The following HELZ2 variants were observed in gnomAD, a reference collection of about 807,000 sequenced individuals.
HELZ2 encodes 3'-5' exoribonuclease HELZ2.
Under a neutral mutation model 208.8 loss-of-function variants are expected in HELZ2, and 143 were observed. The observed-to-expected ratio is 0.68, with a 90% CI of 0.60 to 0.79. The LOEUF (loss-of-function observed/expected upper bound fraction) is 0.79, where lower values mean the gene tolerates loss of function less well. HELZ2 is among the 30% of genes least tolerant of loss of function. The pLI is 0.00. For synonymous variants in HELZ2, 1,705 were observed against 1,693.7 expected, an observed-to-expected ratio of 1.01 and a Z score of -0.16; for missense variants, 3,690 against 3,794.5, an observed-to-expected ratio of 0.97 and a Z score of 0.72.
In HELZ2 at chr20:63,570,489, C is replaced by T. The variant is rs1436800981; in HGVS notation, c.570+15G>A. The stretch of plus-strand genomic sequence containing the variant: ...CAGGGCTCCCTCCGCCCAGTCGGAG[C>T]TGTTCTCCGCTCACCTCAGAGTGGA... On this transcript the variant is annotated intron_variant, in intron 3 of 18. Coordinates refer to ENST00000467148, the Ensembl canonical transcript of HELZ2. 3.7e-6 allele frequency: 6 copies of T among 1,603,010 alleles called. No individual in the cohort carries two copies. Among genetic ancestry groups the T allele is most frequent in the South Asian group, 3.3e-5 (3 of 90,756 alleles).
chr20:63,558,301 C>T (rs140760582), downstream of HELZ2: 3,861 of 150,876 alleles, frequency 0.026, 80 homozygotes, highest in Non-Finnish European at 0.034. Context: ...AGCATCGCCC[C>T]GGCACCCCCC....
In HELZ2 at chr20:63,562,391, G is replaced by T; in HGVS notation, c.6303-9C>A. The T allele has an allele frequency of 6.4e-7, 1 of 1,574,342 alleles. No homozygotes were observed. Among genetic ancestry groups the T allele is most frequent in the Non-Finnish European group, 8.6e-7 (1 of 1,168,738 alleles). ...CGGCTTCCTCCTTGCGGCTGGGGGT[G>T]AAGGCAGACACTGGAAAACCAACAG... is the stretch of plus-strand genomic sequence containing the variant. On this transcript the variant is annotated splice_polypyrimidine_tract_variant and intron_variant, in intron 8 of 18. Coordinates refer to ENST00000467148, the Ensembl canonical transcript of HELZ2.
At chr20:63,558,810 T>C (rs113103831), downstream of HELZ2, 2,738 of 153,850 alleles carry the variant, frequency 0.018, 68 homozygotes, top group African/African-American at 0.056. Context: ...AGTGCTGGAT[T>C]ATGGGCGTGA....
chr20:63,561,430 G>A (rs763283381), exon 13 of HELZ2: 4 of 1,612,190 alleles, frequency 2.5e-6, no homozygotes, highest in Non-Finnish European at 3.4e-6. Flanking sequence ...AGTAAGGGTT[G>A]GGGGCCTGCC....
chr20:63,562,974 C>A (rs927669152), exon 8 of HELZ2: 1 of 1,594,148 alleles, frequency 6.3e-7, no homozygotes, highest in East Asian at 2.3e-5. Context: ...GACTCCAGGG[C>A]GCAGAATGGT....
chr20:63,566,049 C>T lies in HELZ2; in HGVS notation c.2773G>A (p.Gly925Ser), dbSNP rs757262105. 32 of 1,589,120 alleles carry T rather than the reference C, an allele frequency of 2.0e-5. No individual in the cohort carries two copies. Among genetic ancestry groups the T allele is most frequent in the South Asian group, 6.7e-5 (6 of 89,900 alleles). ...CGGATGAAGCTCTCCCAGAGCTTGC[C>T]GCAGGCCCCGAAGGAGCAGAGGGCC... Residue 925 changes from glycine to serine, a missense_variant, in exon 8 of 19, where the codon GGC (glycine) becomes AGC (serine). Physicochemically the swap from Gly to Ser is moderately conservative, Grantham distance 56 (BLOSUM62 0). Around this residue, in one of 3 missense-constraint regions of HELZ2, gnomAD observed 2,564 missense variants for 2,580.5 expected, o/e 0.99. Transcript: ENST00000467148.
Position 63,565,005 on chromosome 20 carries a change from G to A in HELZ2, c.3817C>T (p.Arg1273Trp), listed in dbSNP as rs745338681. ...CCCAGCGGGTAGTAGAAGCCTTGCC[G>A]CCACAGGACAATTTGGACCCAGAAG... The change falls in exon 8 of 19, where the codon CGG becomes TGG. Residue 1273 changes from arginine (R) to tryptophan (W), a missense_variant. Coordinates refer to ENST00000467148, the Ensembl canonical transcript of HELZ2. 8 of 1,592,390 alleles carry A rather than the reference G, an allele frequency of 5.0e-6. No homozygotes were observed. The East Asian group carries it at 9.1e-5, about 18-fold the overall frequency.
chr20:63,572,565 C>T (rs974963903), upstream of HELZ2: 7 of 637,928 alleles, frequency 1.1e-5, no homozygotes, highest in African/African-American at 3.8e-5. Context: ...GGGCAGGCTC[C>T]GTGCTCAGGG....
exon 4 of HELZ2, chr20:63,569,167 G>T: frequency 6.4e-7 from 1 of 1,552,254 alleles, no homozygotes; most frequent in South Asian, 1.2e-5. Flanking sequence ...AGCTGCTGCT[G>T]AGCCGCCTCC....
At chr20:63,560,978 C>T in intron 14 of HELZ2, 49 bp from the exon 16 acceptor site, 1 of 1,601,662 alleles carries the variant, frequency 6.2e-7, no homozygotes, top group East Asian at 2.2e-5. Context: ...CCCAGAGGGA[C>T]CCCAGCCCCA....
intron 3 of HELZ2, 140 bp from the exon 5 acceptor site, chr20:63,569,805 G>T: frequency 1.0e-6 from 1 of 978,460 alleles, no homozygotes; most frequent in Non-Finnish European, 1.5e-6. Flanking sequence ...CAGGCCACCC[G>T]GCCTCTGCCA....
In HELZ2 at chr20:63,560,499, G is replaced by C. The variant is rs773834228; in HGVS notation, c.7480C>G (p.Leu2494Val). The C allele has an allele frequency of 1.1e-4, 173 of 1,612,002 alleles. No homozygotes were observed. In the East Asian group the frequency reaches 3.2e-3, roughly 30 times the overall value. ...CTCACCACCTCAGCCACCTCCTCCA[G>C]GTTGGCCTTGGAGTTCTCATTCCCT... Residue 2494 changes from leucine to valine, a missense_variant, in exon 16 of 19, where the codon CTG becomes GTG. Around this residue, in one of 3 missense-constraint regions of HELZ2, gnomAD observed 2,564 missense variants for 2,580.5 expected, o/e 0.99. Transcript: ENST00000467148.
intron 3 of HELZ2, chr20:63,570,236 A>T (rs927383693): frequency 1.2e-5 from 7 of 588,780 alleles, no homozygotes; most frequent in Non-Finnish European, 2.0e-5. Context: ...CTGGGATTAC[A>T]GGCGTGAACC....
chr20:63,567,949 CTGGG>C, intron 5 of HELZ2: 1 of 553,512 alleles, frequency 1.8e-6, no homozygotes. Context: ...CCACTCCCCA[CTGGG>C]CAGGGATGGG....
chr20:63,574,166 T>G (rs1600989217), upstream of HELZ2: 1 of 89,684 alleles, frequency 1.1e-5, no homozygotes, highest in Non-Finnish European at 2.3e-5. Flanking sequence ...CCCTCCGCCC[T>G]GGGACCCCCG....
chr20:63,559,289 G>T, exon 19 of HELZ2: 1 of 1,592,480 alleles, frequency 6.3e-7, no homozygotes, highest in Non-Finnish European at 8.5e-7. Flanking sequence ...CACCTGGCCG[G>T]CAGGCACGAG....
At chr20:63,561,798 G>A in intron 11 of HELZ2, 25 bp downstream of exon 12, 1 of 1,551,224 alleles carries the variant, frequency 6.4e-7, no homozygotes, top group Non-Finnish European at 8.7e-7. Flanking sequence ...CTCCCCAAAG[G>A]CCCCCACCGC....
downstream of HELZ2, chr20:63,559,135 G>A: frequency 1.6e-5 from 20 of 1,225,032 alleles, no homozygotes; most frequent in East Asian, 2.7e-5. Context: ...AGATCCTGAG[G>A]CCAGGAGGCA....
rs377498277 is a variant in HELZ2 at position 63,566,495 on chromosome 20, G to A, written c.2515-42C>T. 7.3e-6 allele frequency: 11 copies of A among 1,513,698 alleles called. No homozygotes were observed. The Admixed American group carries it at 1.6e-4, about 22-fold the overall frequency. 93.8% of individuals were successfully genotyped at this position (1,513,698 alleles called of 1,614,324 possible). ...GCCGGGGATGAGTGCTGGACGCAGT[G>A]AGGACTCGGCCACCCCCGACAAGGA... is the stretch of plus-strand genomic sequence containing the variant. On this transcript the variant is annotated intron_variant, in intron 6 of 18. Transcript: ENST00000467148.
Sources: gnomAD v4.1 joint callset for allele counts on GRCh38, gnomAD v4.1.1 for gene constraint, gnomAD v4.1.1 regional missense constraint, MANE v1.5 for transcripts, NCBI Gene and HGNC (gene_info 2026-07-23, HGNC 2026-07-21) for gene names.